KANK1: variants seen among roughly 807,000 people sequenced by gnomAD.
The protein encoded by KANK1 is KN motif and ankyrin repeat domain-containing protein 1.
In KANK1, 109 loss-of-function variants were observed where a neutral mutation model predicts 106.2. The ratio of observed to expected loss-of-function variants is 1.03; its 90% CI spans 0.88 to 1.20. The LOEUF (loss-of-function observed/expected upper bound fraction) is 1.20. Among genes scored for constraint, KANK1 ranks in the 50% most tolerant of loss-of-function variants. KANK1 has a pLI of 0.00. For missense variants in KANK1, 2,399 were observed against 1,710.7 expected (o/e 1.40, Z -7.10); for synonymous variants, 873 against 652.2 (o/e 1.34, Z -5.16).
At position 567,189 on chromosome 9, in the gene KANK1, T is replaced by A. The variant is rs535041014; in HGVS notation, c.-84+62435T>A. ...CTTATTTCTGGGTTCTCTCGTCTGT[T>A]CCCTTGGTCTGTGTGTCTGGTTTTG... On this transcript the variant is annotated intron_variant, in intron 1 of 11. Coordinates refer to ENST00000382297, the MANE Select transcript of KANK1 (RefSeq NM_015158.5). 4.6e-5 allele frequency among the ~76,000 whole-genome samples: 7 copies of A among 152,316 alleles called. No homozygotes were observed. The South Asian group carries it at 1.2e-3, about 27-fold the overall frequency.
intron 1 of KANK1, among the ~76,000 whole-genome samples, chr9:675,285 A>ATT (rs1357857976): frequency 6.6e-6 from 1 of 152,156 alleles, no homozygotes; most frequent in Non-Finnish European, 1.5e-5. Context: ...TACAGATATT[A>ATT]TTTTGGCATT....
At chr9:506,081 C>T (rs1327511271) in intron 1 of KANK1, among the ~76,000 whole-genome samples, 1 of 152,012 alleles carries the variant, frequency 6.6e-6, no homozygotes, top group Non-Finnish European at 1.5e-5. Context: ...TTAATATATC[C>T]GTAAAGTTAT....
rs553181529 is a variant in KANK1 at position 697,333 on chromosome 9, C to T, written c.38-13471C>T. Among the ~76,000 whole-genome samples the T allele has an allele frequency of 3.9e-5, 6 of 152,134 alleles. No individual in the cohort carries two copies. The East Asian group carries it at 7.7e-4, about 20-fold the overall frequency. ...ATGATGTCAACTTTGATCACCTGGTCGAGGTGGTTATTTGTCAGCTTTCTC... is the reference window on the plus strand; with the variant it reads ...ATGATGTCAACTTTGATCACCTGGTTGAGGTGGTTATTTGTCAGCTTTCTC... On this transcript the variant is annotated intron_variant, in intron 2 of 11. Coordinates refer to ENST00000382297, the MANE Select transcript of KANK1 (RefSeq NM_015158.5).
intron 10 of KANK1, among the ~76,000 whole-genome samples, chr9:743,211 C>G (rs1836163459): frequency 6.6e-6 from 1 of 152,052 alleles, no homozygotes; most frequent in African/African-American, 2.4e-5. Context: ...TTCTTTAGCT[C>G]AAAACACCAA....
At chr9:586,564 G>A (rs1036915787) in intron 1 of KANK1, among the ~76,000 whole-genome samples, 1 of 152,312 alleles carries the variant, frequency 6.6e-6, no homozygotes, top group African/African-American at 2.4e-5. Context: ...TTTAGTCCCA[G>A]GGAACTGCCA....
chr9:716,687 G>T (rs1827796038), intron 3 of KANK1, among the ~76,000 whole-genome samples: 2 of 152,074 alleles, frequency 1.3e-5, no homozygotes, highest in African/African-American at 4.8e-5. Flanking sequence ...ATGCAAAAAA[G>T]TGTTATTTTT....
At chr9:610,429 A>G (rs963648309) in intron 1 of KANK1, among the ~76,000 whole-genome samples, 23 of 152,222 alleles carry the variant, frequency 1.5e-4, no homozygotes, top group Admixed American at 7.2e-4. Flanking sequence ...ATGGTGTACT[A>G]TATGGGTGAA....
chr9:508,507 T>TCA (rs2058879047), intron 1 of KANK1, among the ~76,000 whole-genome samples: 1 of 152,178 alleles, frequency 6.6e-6, no homozygotes, highest in Admixed American at 6.5e-5. Flanking sequence ...TAACAAGTAC[T>TCA]CACGGAAAGA....
intron 1 of KANK1, among the ~76,000 whole-genome samples, chr9:598,375 C>G (rs1044776591): frequency 1.3e-5 from 2 of 151,284 alleles, no homozygotes; most frequent in African/African-American, 4.9e-5. Flanking sequence ...ATTTAAGGAT[C>G]TGTTTTTTCA....
At chr9:545,073 C>A (rs2060849574) in intron 1 of KANK1, among the ~76,000 whole-genome samples, 1 of 151,964 alleles carries the variant, frequency 6.6e-6, no homozygotes, top group Non-Finnish European at 1.5e-5. Flanking sequence ...GGAGGAGAAT[C>A]TCTGTGAGTT....
At chr9:604,935 T>C (rs1254142116) in intron 1 of KANK1, among the ~76,000 whole-genome samples, 1 of 151,920 alleles carries the variant, frequency 6.6e-6, no homozygotes, top group African/African-American at 2.4e-5. Flanking sequence ...GGTAGTTCTT[T>C]ATAGCAGTGT....
chr9:693,241 CT>C (rs1472634844), intron 2 of KANK1, among the ~76,000 whole-genome samples: 1 of 152,142 alleles, frequency 6.6e-6, no homozygotes, highest in Non-Finnish European at 1.5e-5. Flanking sequence ...AAAGGAACCA[CT>C]TGCCTCCATT....
intron 2 of KANK1, among the ~76,000 whole-genome samples, chr9:696,426 G>A (rs1439252924): frequency 6.6e-6 from 1 of 152,208 alleles, no homozygotes; most frequent in Non-Finnish European, 1.5e-5. Context: ...GGAAGAAGGG[G>A]ACCAGTTATT....
chr9:709,781 A>T (rs1300917601), intron 2 of KANK1, among the ~76,000 whole-genome samples: 2 of 151,764 alleles, frequency 1.3e-5, no homozygotes, highest in Non-Finnish European at 2.9e-5. Flanking sequence ...ATGCCCAGCC[A>T]ATTTTTTATT....
At position 744,687 on chromosome 9, in the gene KANK1, G is replaced by A. The variant is rs1836735690; in HGVS notation, c.3996+98G>A. 8 of 1,602,814 alleles carry A rather than the reference G, an allele frequency of 5.0e-6. 1 individual carries two copies. Among genetic ancestry groups the A allele is most frequent in the Middle Eastern group, 1.7e-4 (1 of 6,056 alleles). ...ATTGACGGGAGACAGATTTTATGTT[G>A]ATTCAGAAAATGGAAGTTTTAGTCT... On this transcript the variant is annotated intron_variant, in intron 11 of 11. Coordinates refer to ENST00000382297, the MANE Select transcript of KANK1 (RefSeq NM_015158.5).
intron 1 of KANK1, among the ~76,000 whole-genome samples, chr9:569,228 C>G (rs960332975): frequency 6.6e-6 from 1 of 152,068 alleles, no homozygotes; most frequent in African/African-American, 2.4e-5. Flanking sequence ...TCTATATGTT[C>G]GTCTCCTATT....
At chr9:512,260 C>T (rs1320142026) in intron 1 of KANK1, among the ~76,000 whole-genome samples, 6 of 122,702 alleles carry the variant, frequency 4.9e-5, no homozygotes, top group South Asian at 2.5e-4. Context: ...TATGTATATA[C>T]ACACACACAA....
chr9:540,872 A>T (rs2060558533), intron 1 of KANK1, among the ~76,000 whole-genome samples: 1 of 152,110 alleles, frequency 6.6e-6, no homozygotes, highest in Non-Finnish European at 1.5e-5. Flanking sequence ...GTAATGTCTC[A>T]TCTTTCATGT....
At chr9:495,281 A>G (rs1044178078) in intron 3 of KANK1, 4 of 152,186 alleles carry the variant, frequency 2.6e-5, no homozygotes, top group African/African-American at 2.4e-5. Context: ...AGACTCTACA[A>G]TCATGGCTAG....
Sources: allele counts gnomAD v4.1 joint callset (sites outside exome capture counted in the v4.1 genomes callset), GRCh38; gene constraint gnomAD v4.1.1; transcripts MANE v1.5; gene names NCBI Gene and HGNC (gene_info 2026-07-23, HGNC 2026-07-21).